The following LSAMP variants were observed in gnomAD, a reference collection of about 807,000 sequenced individuals.
LSAMP encodes the protein limbic system associated membrane protein.
In LSAMP, 7 loss-of-function variants were observed where a neutral mutation model predicts 38.6. The ratio of observed to expected loss-of-function variants is 0.18; its 90% CI spans 0.10 to 0.34. The LOEUF is 0.34. Ranked by LOEUF, LSAMP falls within the 10% of genes least tolerant of loss-of-function variation. LSAMP has a pLI of 1.00. For synonymous variants in LSAMP, 154 were observed against 166.8 expected (o/e 0.92, Z 0.59); for missense variants, 313 against 420.0 (o/e 0.75, Z 2.23).
chr3:116,158,155 C>T (rs938702909), intron 1 of LSAMP, among the ~76,000 whole-genome samples: 4 of 152,116 alleles, frequency 2.6e-5, no homozygotes, highest in Non-Finnish European at 5.9e-5. Flanking sequence ...AAGTCAACAT[C>T]CCTTTGTGTT....
At chr3:116,380,501 C>G (rs570810829) in intron 1 of LSAMP, among the ~76,000 whole-genome samples, 1 of 151,776 alleles carries the variant, frequency 6.6e-6, no homozygotes, top group African/African-American at 2.4e-5. Context: ...TGTTGCCTGC[C>G]CACTTCACAC....
chr3:116,167,082 C>A (rs148304123), intron 1 of LSAMP, among the ~76,000 whole-genome samples: 1 of 151,988 alleles, frequency 6.6e-6, no homozygotes, highest in Non-Finnish European at 1.5e-5. Context: ...TGAGCCGCTG[C>A]GCCTGGCCCT....
chr3:116,075,784 G>A (rs560214455), intron 2 of LSAMP, among the ~76,000 whole-genome samples: 13 of 152,022 alleles, frequency 8.6e-5, no homozygotes, highest in Middle Eastern at 6.8e-3. Flanking sequence ...CAGGTGATCC[G>A]CTCACCTCAG....
At chr3:116,152,490 C>G (rs1042635944) in intron 1 of LSAMP, among the ~76,000 whole-genome samples, 1 of 152,222 alleles carries the variant, frequency 6.6e-6, no homozygotes, top group Middle Eastern at 3.4e-3. Flanking sequence ...GCCTCGGCCA[C>G]TTTTCACTGC....
intron 1 of LSAMP, among the ~76,000 whole-genome samples, chr3:116,277,338 A>G (rs1296008251): frequency 6.6e-6 from 1 of 151,098 alleles, no homozygotes; most frequent in Non-Finnish European, 1.5e-5. Flanking sequence ...ATTGTTCAAC[A>G]TTCTTTGAAT....
chr3:116,385,933 T>C (rs958077677), intron 1 of LSAMP, among the ~76,000 whole-genome samples: 3 of 152,052 alleles, frequency 2.0e-5, no homozygotes, highest in Admixed American at 6.6e-5. Flanking sequence ...CTACTACTAC[T>C]ACTACTACTA....
chr3:116,063,107 C>T (rs1285125237), intron 2 of LSAMP, among the ~76,000 whole-genome samples: 2 of 151,646 alleles, frequency 1.3e-5, no homozygotes, highest in East Asian at 1.9e-4. Context: ...GTGTGTGTGT[C>T]TGTGTGTGTC....
At position 116,445,103 on chromosome 3, in the gene LSAMP, A is replaced by C; in HGVS notation, c.-72T>G. On this transcript the variant is annotated 5_prime_UTR_variant, in exon 1 of 7. An upstream open reading frame in the 5' UTR loses its in-frame stop. Transcript: ENST00000490035. ...CGCGCTGCTCGCGAGGAGAGGCTTC[A>C]CCAACACGGGGCTTTCATCCACAGC... The C allele has an allele frequency of 6.8e-7, 1 of 1,474,566 alleles. No individual in the cohort carries two copies. 91.3% of individuals were successfully genotyped at this position (1,474,566 alleles called of 1,614,324 possible).
intron 2 of LSAMP, among the ~76,000 whole-genome samples, chr3:116,056,154 C>A (rs1941487320): frequency 6.6e-6 from 1 of 152,070 alleles, no homozygotes; most frequent in Non-Finnish European, 1.5e-5. Context: ...TATTTACTTT[C>A]ATCCTAGAAT....
chr3:116,052,366 A>T (rs58398368), intron 2 of LSAMP, among the ~76,000 whole-genome samples: 2,489 of 152,296 alleles, frequency 0.016, 60 homozygotes, highest in African/African-American at 0.055. Flanking sequence ...GAGTCAGAAG[A>T]AACGTTGTAT....
At chr3:116,268,427 T>A (rs149808362) in intron 1 of LSAMP, among the ~76,000 whole-genome samples, 1 of 152,266 alleles carries the variant, frequency 6.6e-6, no homozygotes, top group East Asian at 1.9e-4. Context: ...GCATCTTCTT[T>A]CTTTCTCAGC....
chr3:116,414,054 A>G (rs528344952), intron 1 of LSAMP, among the ~76,000 whole-genome samples: 62 of 152,222 alleles, frequency 4.1e-4, no homozygotes, highest in Non-Finnish European at 7.6e-4. Context: ...AAAATATCCA[A>G]TTGAAGGAAT....
intron 3 of LSAMP, among the ~76,000 whole-genome samples, chr3:115,968,422 A>G (rs1421497095): frequency 6.6e-6 from 1 of 152,110 alleles, no homozygotes; most frequent in Non-Finnish European, 1.5e-5. Flanking sequence ...AAATCCTGCT[A>G]GGACTGGGTC....
intron 1 of LSAMP, among the ~76,000 whole-genome samples, chr3:116,190,088 G>GACACACACACACACACACACACAC (rs3071108): frequency 4.9e-5 from 7 of 142,708 alleles, no homozygotes; most frequent in African/African-American, 1.9e-4. Context: ...TCCAGTAGTA[G>GACACACACACACACACACACACAC]ACACACACAC....
At chr3:116,131,669 CT>C (rs1709137707) in intron 1 of LSAMP, among the ~76,000 whole-genome samples, 1 of 152,038 alleles carries the variant, frequency 6.6e-6, no homozygotes, top group Non-Finnish European at 1.5e-5. Flanking sequence ...TTTCTTTTCA[CT>C]TACACAAACC....
chr3:116,277,972 CTATT>C (rs528192353), intron 1 of LSAMP, among the ~76,000 whole-genome samples: 28 of 152,156 alleles, frequency 1.8e-4, no homozygotes, highest in Non-Finnish European at 3.7e-4. Flanking sequence ...TACTGTAACA[CTATT>C]TAACATTATC....
intron 3 of LSAMP, among the ~76,000 whole-genome samples, chr3:115,882,738 A>C (rs372995424): frequency 2.6e-5 from 4 of 152,036 alleles, no homozygotes; most frequent in African/African-American, 9.7e-5. Flanking sequence ...ATTGATACCA[A>C]AGGAATTTTC....
At chr3:116,285,060 G>T (rs1300148914) in intron 1 of LSAMP, among the ~76,000 whole-genome samples, 2 of 152,130 alleles carry the variant, frequency 1.3e-5, no homozygotes, top group Admixed American at 1.3e-4. Context: ...GAAAGCAAAG[G>T]TCTAAATCTC....
At chr3:116,180,375 ATT>A (rs58599963) in intron 1 of LSAMP, among the ~76,000 whole-genome samples, 125,716 of 150,792 alleles carry the variant, frequency 0.83, 52,594 homozygotes, top group South Asian at 0.91. Flanking sequence ...TTTATCCCAG[ATT>A]TTTTTTTTTT....
Sources: gnomAD v4.1 joint callset for allele counts (sites outside exome capture counted in the v4.1 genomes callset) on GRCh38, gnomAD v4.1.1 for gene constraint, MANE v1.5 for transcripts, NCBI Gene and HGNC (gene_info 2026-07-23, HGNC 2026-07-21) for gene names.